The following RGS9 variants were observed in gnomAD, a reference collection of about 807,000 sequenced individuals.
The protein encoded by RGS9 is regulator of G-protein signalling 9.
In RGS9, 78 loss-of-function variants were observed where a neutral mutation model predicts 102.0. The observed-to-expected ratio is 0.76, with a 90% CI of 0.64 to 0.92. The LOEUF (loss-of-function observed/expected upper bound fraction) is 0.92, where lower values mean the gene tolerates loss of function less well. RGS9 is among the 40% of genes least tolerant of loss of function. RGS9 has a pLI of 0.00. For missense variants in RGS9, 833 were observed against 866.1 expected (o/e 0.96, Z 0.48); for synonymous variants, 353 against 318.6 (o/e 1.11, Z -1.15).
At chr17:65,201,106 CACACACACACACAG>C (rs1020445126) in intron 13 of RGS9, among the ~76,000 whole-genome samples, 8 of 137,056 alleles carry the variant, frequency 5.8e-5, no homozygotes, top group African/African-American at 2.0e-4. Context: ...GATTTACACA[CACACACACACACAG>C]ACACACACAC....
chr17:65,149,106 C>T (rs1261197247), intron 1 of RGS9, among the ~76,000 whole-genome samples: 5 of 151,116 alleles, frequency 3.3e-5, no homozygotes, highest in African/African-American at 4.9e-5. Context: ...GGATTGTAGG[C>T]GCCCGCCACC....
At chr17:65,164,754 T>G (rs552204441) in intron 7 of RGS9, among the ~76,000 whole-genome samples, 3 of 152,330 alleles carry the variant, frequency 2.0e-5, no homozygotes, top group East Asian at 3.9e-4. Flanking sequence ...GCCACAAACA[T>G]GTTTCTACCT....
At chr17:65,159,189 T>C (rs561663150) in intron 3 of RGS9, among the ~76,000 whole-genome samples, 11 of 99,512 alleles carry the variant, frequency 1.1e-4, no homozygotes, top group Non-Finnish European at 1.8e-4. Context: ...CAACCCCCCC[T>C]TTTTCCTTTA....
intron 1 of RGS9, among the ~76,000 whole-genome samples, chr17:65,150,613 C>G (rs1910541175): frequency 6.6e-6 from 1 of 152,166 alleles, no homozygotes; most frequent in Non-Finnish European, 1.5e-5. Flanking sequence ...CAGAGAGAAA[C>G]TCAGTCTAAA....
chr17:65,166,419 TTGAC>T (rs2144010085), intron 7 of RGS9, among the ~76,000 whole-genome samples: 1 of 152,352 alleles, frequency 6.6e-6, no homozygotes, highest in Non-Finnish European at 1.5e-5. Flanking sequence ...TATTGATTCT[TTGAC>T]TGTGTATGTG....
Position 65,227,660 on chromosome 17 carries a change from G to C in RGS9, c.*253G>C. The C allele has an allele frequency of 1.8e-6, 1 of 543,990 alleles. No homozygotes were observed. Among genetic ancestry groups the C allele is most frequent in the Non-Finnish European group, 3.3e-6 (1 of 301,722 alleles). 33.7% of individuals were successfully genotyped at this position (543,990 alleles called of 1,614,324 possible). On this transcript the variant is annotated 3_prime_UTR_variant, in exon 19 of 19. Coordinates refer to ENST00000262406, the MANE Select transcript of RGS9 (RefSeq NM_003835.4). Reference sequence around the variant, plus strand: ...GCATGTGGACCAGAAGACTTTCCCTGCTGCCTTAAAACCAATAAAAGGTTA... The same window carrying C: ...GCATGTGGACCAGAAGACTTTCCCTCCTGCCTTAAAACCAATAAAAGGTTA...
At chr17:65,216,479 A>G (rs563198690) in intron 17 of RGS9, among the ~76,000 whole-genome samples, 95 of 152,360 alleles carry the variant, frequency 6.2e-4, no homozygotes, top group African/African-American at 2.2e-3. Flanking sequence ...TCTACTAAAA[A>G]TACAAAAATT....
intron 17 of RGS9, among the ~76,000 whole-genome samples, chr17:65,221,288 A>G (rs1258529496): frequency 1.3e-5 from 2 of 152,160 alleles, no homozygotes; most frequent in African/African-American, 4.8e-5. Flanking sequence ...GGGCATATAG[A>G]GAGGCTGATC....
At chr17:65,174,433 G>A (rs1388349029) in intron 8 of RGS9, among the ~76,000 whole-genome samples, 1 of 152,026 alleles carries the variant, frequency 6.6e-6, no homozygotes, top group Non-Finnish European at 1.5e-5. Flanking sequence ...GTATGTGTGC[G>A]AGTGTGTGTA....
intron 13 of RGS9, among the ~76,000 whole-genome samples, chr17:65,197,951 G>C (rs9915881): frequency 1.3e-5 from 2 of 152,262 alleles, no homozygotes; most frequent in South Asian, 2.1e-4. Context: ...GATTACAGGC[G>C]TGAGCCACTG....
At position 65,193,670 on chromosome 17, in the gene RGS9, A is replaced by T; in HGVS notation, c.860+14A>T. ...AAATGCCAAATTGTATGTATTTTAT[A>T]TATTGGTGTTTTTTAAAAAACCGTT... On this transcript the variant is annotated intron_variant, in intron 12 of 18. Transcript: ENST00000262406. The T allele has an allele frequency of 1.3e-6, 2 of 1,543,114 alleles. No individual in the cohort carries two copies. The highest frequency in any genetic ancestry group is 2.2e-5 in the South Asian group (2 of 89,640).
chr17:65,216,619 G>A (rs28525077), intron 17 of RGS9, among the ~76,000 whole-genome samples: 24,633 of 152,074 alleles, frequency 0.16, 3,097 homozygotes, highest in African/African-American at 0.35. Context: ...CCTGGGCAAC[G>A]ATTTTACAGT....
At chr17:65,199,478 G>A (rs1012904213) in intron 13 of RGS9, among the ~76,000 whole-genome samples, 1 of 146,622 alleles carries the variant, frequency 6.8e-6, no homozygotes, top group East Asian at 2.0e-4. Flanking sequence ...ATATAACAGC[G>A]CTTCTGTTCC....
At chr17:65,147,215 G>A (rs1910397832) in intron 1 of RGS9, among the ~76,000 whole-genome samples, 1 of 152,190 alleles carries the variant, frequency 6.6e-6, no homozygotes. Flanking sequence ...AAACAATTCT[G>A]TGAGCCGAGA....
intron 6 of RGS9, among the ~76,000 whole-genome samples, chr17:65,162,635 T>A (rs1911028190): frequency 1.4e-5 from 2 of 147,548 alleles, no homozygotes; most frequent in Non-Finnish European, 1.5e-5. Context: ...GCTAATTTTT[T>A]GTATTTTTTT....
intron 2 of RGS9, among the ~76,000 whole-genome samples, chr17:65,157,898 G>A (rs1177385320): frequency 2.0e-5 from 3 of 151,402 alleles, no homozygotes; most frequent in African/African-American, 4.9e-5. Context: ...AGCTTGCCTC[G>A]GGTCTGTTTT....
At position 65,189,297 on chromosome 17, in the gene RGS9, C is replaced by A. The variant is rs773817591; in HGVS notation, c.666C>A (p.Val222=). The change falls in exon 10 of 19, where the codon GTC becomes GTA. Residue 222 remains valine, a synonymous_variant. Transcript: ENST00000262406. ...NEVKVNQKQT[V]VAVKKEIMYY... ...TCTTTGTCTTACAGAAACAAACAGT[C>A]GTTGCTGTCAAAAAAGAGGTAATTA... is the stretch of plus-strand genomic sequence containing the variant. 6.2e-7 allele frequency: 1 copy of A among 1,611,906 alleles called. No individual in the cohort carries two copies. The highest frequency in any genetic ancestry group is 2.2e-5 in the East Asian group (1 of 44,872).
intron 17 of RGS9, among the ~76,000 whole-genome samples, chr17:65,220,273 G>T (rs1913656239): frequency 6.6e-6 from 1 of 152,206 alleles, no homozygotes; most frequent in South Asian, 2.1e-4. Flanking sequence ...TGTTCTTTGA[G>T]AATTTTGCAG....
rs762311718 is a variant in RGS9 at position 65,210,624 on chromosome 17, C to T, written c.1407+19C>T. 2.1e-5 allele frequency: 34 copies of T among 1,613,160 alleles called. No homozygotes were observed. Among genetic ancestry groups the T allele is most frequent in the Non-Finnish European group, 2.7e-5 (32 of 1,179,998 alleles). ...CACCCAGGTCATGAGCAAGCTGGAC[C>T]GCAGGAGCCAACTCCAAAAAGAGCT... is the stretch of plus-strand genomic sequence containing the variant. On this transcript the variant is annotated intron_variant, in intron 17 of 18. Coordinates refer to ENST00000262406, the MANE Select transcript of RGS9 (RefSeq NM_003835.4).
Sources: gnomAD v4.1 joint callset for allele counts (sites outside exome capture counted in the v4.1 genomes callset) on GRCh38, gnomAD v4.1.1 for gene constraint, MANE v1.5 for transcripts, NCBI Gene and HGNC (gene_info 2026-07-23, HGNC 2026-07-21) for gene names.